FHIP1A: variants seen among roughly 807,000 people sequenced by gnomAD.
FHIP1A encodes the protein FHF complex subunit HOOK interacting protein 1A, also known as FHF complex subunit HOOK-interacting protein 1A.
In FHIP1A, 61 loss-of-function variants were observed where a neutral mutation model predicts 88.6. That is an observed-to-expected ratio of 0.69 (90% CI 0.56 to 0.85). The LOEUF (loss-of-function observed/expected upper bound fraction) is 0.85, where lower values mean the gene tolerates loss of function less well. Among genes scored for constraint, FHIP1A ranks in the 40% least tolerant of loss-of-function variants. The pLI, the probability that FHIP1A is intolerant of heterozygous loss-of-function variation, is 0.00. For synonymous variants in FHIP1A, 478 were observed against 496.0 expected (o/e 0.96, Z 0.48); for missense variants, 1,154 against 1,273.5 (o/e 0.91, Z 1.43).
intron 3 of FHIP1A, among the ~76,000 whole-genome samples, chr4:151,511,617 C>T (rs1020244062): frequency 3.9e-5 from 6 of 152,212 alleles, no homozygotes; most frequent in Non-Finnish European, 5.9e-5. Context: ...TAAAAAACGG[C>T]GCACCAGGAG....
intron 3 of FHIP1A, among the ~76,000 whole-genome samples, chr4:151,517,739 A>C (rs1410817689): frequency 2.0e-5 from 3 of 152,146 alleles, no homozygotes; most frequent in Admixed American, 6.5e-5. Flanking sequence ...ACCATGTGCA[A>C]GCCTAGGCTA....
At chr4:151,628,155 A>T (rs718800) in intron 7 of FHIP1A, among the ~76,000 whole-genome samples, 43,359 of 152,048 alleles carry the variant, frequency 0.29, 6,417 homozygotes, top group Non-Finnish European at 0.33. Flanking sequence ...GTATTGAATG[A>T]CTGAGAACTT....
At chr4:151,501,781 T>A (rs1730656644) in intron 3 of FHIP1A, among the ~76,000 whole-genome samples, 1 of 151,592 alleles carries the variant, frequency 6.6e-6, no homozygotes, top group African/African-American at 2.4e-5. Context: ...TGTTGGTCAT[T>A]TTGTTGTTGA....
intron 4 of FHIP1A, among the ~76,000 whole-genome samples, chr4:151,574,864 A>G (rs1169401723): frequency 1.3e-5 from 2 of 152,138 alleles, no homozygotes; most frequent in Non-Finnish European, 2.9e-5. Context: ...GTGATATAAC[A>G]TATTTTGATT....
At chr4:151,618,016 A>T (rs910305500) in intron 7 of FHIP1A, among the ~76,000 whole-genome samples, 1 of 152,212 alleles carries the variant, frequency 6.6e-6, no homozygotes, top group Admixed American at 6.5e-5. Flanking sequence ...ATAGGACTGC[A>T]CTGCTTAGTA....
intron 3 of FHIP1A, among the ~76,000 whole-genome samples, chr4:151,537,282 A>G (rs897950319): frequency 1.3e-5 from 2 of 151,706 alleles, no homozygotes; most frequent in Non-Finnish European, 2.9e-5. Context: ...GACATTTACT[A>G]TTTTCACTGT....
At position 151,663,242 on chromosome 4, in the gene FHIP1A, C is replaced by T. The variant is rs1737540061; in HGVS notation, c.*488C>T. ...CTATAAAGGAAGAGTAAAGATGGAGCTCCTCCTGCCTCCATCACGAAAGCA... is the reference window on the plus strand; with the variant it reads ...CTATAAAGGAAGAGTAAAGATGGAGTTCCTCCTGCCTCCATCACGAAAGCA... On this transcript the variant is annotated 3_prime_UTR_variant, in exon 14 of 14. Coordinates refer to ENST00000435205, the MANE Select transcript of FHIP1A (RefSeq NM_001109977.3). 6.6e-6 allele frequency: 1 copy of T among 152,496 alleles called. No individual in the cohort carries two copies. The highest frequency in any genetic ancestry group is 6.5e-5 in the Admixed American group (1 of 15,310). 9.4% of individuals were successfully genotyped at this position (152,496 alleles called of 1,614,324 possible).
At chr4:151,442,613 A>T (rs1728453422) in intron 1 of FHIP1A, among the ~76,000 whole-genome samples, 1 of 152,092 alleles carries the variant, frequency 6.6e-6, no homozygotes, top group African/African-American at 2.4e-5. Context: ...ATATTCCCAA[A>T]AGAGGCTATT....
rs950979618 is a variant in FHIP1A, at chr4:151,566,411, G to A, written c.105+47G>A. 2.7e-6 allele frequency: 3 copies of A among 1,094,046 alleles called. No homozygotes were observed. In the African/African-American group the frequency reaches 4.7e-5, roughly 17 times the overall value. The allele number at this position is 1,094,046 out of a possible 1,614,324, so 67.8% of individuals were successfully genotyped here. A position where few individuals can be genotyped will look rare whatever the true frequency, so the allele number is the denominator to read the frequency against. ...TTTTGCTGGTCTCAGTAACCCCAGG[G>A]GCCTCCATCACACTGAATCAGGGTT... On this transcript the variant is annotated intron_variant, in intron 4 of 13. Transcript: ENST00000435205.
At chr4:151,469,846 C>T (rs1729448905) in intron 2 of FHIP1A, among the ~76,000 whole-genome samples, 1 of 152,178 alleles carries the variant, frequency 6.6e-6, no homozygotes, top group Admixed American at 6.6e-5. Context: ...GATGTCGGGT[C>T]AGGAGACGGC....
Position 151,629,730 on chromosome 4 carries a change from C to T in FHIP1A, c.1007C>T (p.Thr336Ile). The T allele has an allele frequency of 6.4e-7, 1 of 1,551,318 alleles. No homozygotes were observed. Among genetic ancestry groups the T allele is most frequent in the South Asian group, 1.2e-5 (1 of 84,046 alleles). ...KVTVEEVMTT[T>I]AYLDLFLRSI... Reference sequence around the variant, plus strand: ...ACTGTGGAAGAGGTCATGACCACAACTGCATATCTGGACCTTTTCCTGCGT... The same window carrying T: ...ACTGTGGAAGAGGTCATGACCACAATTGCATATCTGGACCTTTTCCTGCGT... The change falls in exon 8 of 14, where the codon ACT becomes ATT. Residue 336 changes from threonine (T) to isoleucine (I), a missense_variant. Physicochemically the swap from Thr to Ile is moderately conservative, Grantham distance 89. Transcript: ENST00000435205.
intron 1 of FHIP1A, among the ~76,000 whole-genome samples, chr4:151,435,256 T>A (rs1733759911): frequency 6.6e-6 from 1 of 152,154 alleles, no homozygotes; most frequent in Non-Finnish European, 1.5e-5. Flanking sequence ...AACCAACTTC[T>A]CTTCATTCTC....
intron 3 of FHIP1A, among the ~76,000 whole-genome samples, chr4:151,531,975 T>C (rs2126713274): frequency 6.6e-6 from 1 of 152,290 alleles, no homozygotes; most frequent in South Asian, 2.1e-4. Context: ...AGTTACAAAA[T>C]AAAAAAGGTA....
chr4:151,524,255 T>A (rs1731551278), intron 3 of FHIP1A, among the ~76,000 whole-genome samples: 1 of 151,606 alleles, frequency 6.6e-6, no homozygotes, highest in African/African-American at 2.4e-5. Flanking sequence ...TGAGCCAAGA[T>A]TGTGCCACTG....
intron 3 of FHIP1A, among the ~76,000 whole-genome samples, chr4:151,527,084 CG>C (rs1245405947): frequency 4.6e-5 from 7 of 151,996 alleles, no homozygotes; most frequent in Admixed American, 3.9e-4. Flanking sequence ...AGACGATGGG[CG>C]GCCGGGCAGA....
intron 1 of FHIP1A, among the ~76,000 whole-genome samples, chr4:151,442,926 A>G (rs1049103527): frequency 1.3e-5 from 2 of 152,152 alleles, no homozygotes; most frequent in African/African-American, 2.4e-5. Context: ...ATTGTTCTCT[A>G]TAATCACTTT....
chr4:151,623,181 T>C (rs1735812749), intron 7 of FHIP1A, among the ~76,000 whole-genome samples: 1 of 152,230 alleles, frequency 6.6e-6, no homozygotes, highest in Admixed American at 6.5e-5. Context: ...CTGTCAGTAT[T>C]GGTCAGCTTG....
chr4:151,643,279 C>G (rs1434743871), intron 9 of FHIP1A, among the ~76,000 whole-genome samples: 1 of 151,864 alleles, frequency 6.6e-6, no homozygotes, highest in Non-Finnish European at 1.5e-5. Flanking sequence ...GATGATCCTT[C>G]ATTTTAAAGA....
intron 8 of FHIP1A, 95 bp downstream of exon 8, chr4:151,629,964 T>G: frequency 9.5e-7 from 1 of 1,053,982 alleles, no homozygotes. Flanking sequence ...TCTCTTTTGC[T>G]CTCCTTTTTT....
Sources: allele counts gnomAD v4.1 joint callset (sites outside exome capture counted in the v4.1 genomes callset), GRCh38; gene constraint gnomAD v4.1.1; transcripts MANE v1.5; gene names NCBI Gene and HGNC (gene_info 2026-07-23, HGNC 2026-07-21).